Variants in WDR25 observed in about 807,000 individuals in gnomAD.
WDR25 encodes the protein WD repeat domain 25.
In WDR25, 35 loss-of-function variants were observed where a neutral mutation model predicts 47.7. The ratio of observed to expected loss-of-function variants is 0.73; its 90% CI spans 0.56 to 0.97. WDR25 has a LOEUF of 0.97. WDR25 is among the 50% of genes least tolerant of loss of function. The pLI is 0.00. For synonymous variants in WDR25, 248 were observed against 278.9 expected (o/e 0.89, Z 1.10); for missense variants, 634 against 704.7 (o/e 0.90, Z 1.14).
chr14:100,405,202 C>T (rs1044787737), intron 2 of WDR25, among the ~76,000 whole-genome samples: 2 of 143,360 alleles, frequency 1.4e-5, no homozygotes, highest in Non-Finnish European at 3.0e-5. Flanking sequence ...GCTCTTGTTA[C>T]CCAGGCTGGA....
intron 2 of WDR25, among the ~76,000 whole-genome samples, chr14:100,391,790 C>T (rs1897151457): frequency 6.6e-6 from 1 of 152,158 alleles, no homozygotes; most frequent in Admixed American, 6.5e-5. Flanking sequence ...CTCCAAATCC[C>T]TGGGGGGCCT....
chr14:100,490,017 T>G (rs1226637942), intron 4 of WDR25, among the ~76,000 whole-genome samples: 1 of 152,242 alleles, frequency 6.6e-6, no homozygotes, highest in Non-Finnish European at 1.5e-5. Context: ...AAGGGACATT[T>G]TGACTTCCAG....
rs112897556 is a variant in WDR25, at chr14:100,530,059, C to A, written c.*18C>A. 9 of 1,597,464 alleles carry A rather than the reference C, an allele frequency of 5.6e-6. No homozygotes were observed. The highest frequency in any genetic ancestry group is 7.7e-6 in the Non-Finnish European group (9 of 1,169,710). ...GGCACTGAGCTTTTTGTCACTGAACCTTCCCGATGCCAGCTGGGCTCTTGG... is the reference window on the plus strand; with the variant it reads ...GGCACTGAGCTTTTTGTCACTGAACATTCCCGATGCCAGCTGGGCTCTTGG... On this transcript the variant is annotated 3_prime_UTR_variant, in exon 7 of 7. Transcript: ENST00000402312.
chr14:100,431,229 C>T (rs1442883193), intron 2 of WDR25, among the ~76,000 whole-genome samples: 1 of 152,100 alleles, frequency 6.6e-6, no homozygotes, highest in Non-Finnish European at 1.5e-5. Context: ...TTTGATAAGA[C>T]TAGTGGTTTT....
rs558540055 is a variant in WDR25 at position 100,498,507 on chromosome 14, G to A, written c.1101+14383G>A. ...CACTCATTTGCTCATTGAACACTGCGGAGCACCTGCTGTTTATAGGGTGTC... is the reference window on the plus strand; with the variant it reads ...CACTCATTTGCTCATTGAACACTGCAGAGCACCTGCTGTTTATAGGGTGTC... On this transcript the variant is annotated intron_variant, in intron 4 of 6. Transcript: ENST00000402312. The surrounding 1 kb of genome is among the most constrained non-coding windows in gnomAD (Gnocchi z 4.2). 9.2e-5 allele frequency among the ~76,000 whole-genome samples: 14 copies of A among 152,176 alleles called. No homozygotes were observed. Among genetic ancestry groups the A allele is most frequent in the Non-Finnish European group, 7.4e-5 (5 of 68,008 alleles).
At chr14:100,376,927 G>T (rs1280522267) in intron 1 of WDR25, 1 of 288,814 alleles carries the variant, frequency 3.5e-6, no homozygotes, top group Non-Finnish European at 5.6e-6. Context: ...GCATTGAATA[G>T]TGAACAAAAC....
At chr14:100,459,770 A>G (rs1276790327) in intron 2 of WDR25, among the ~76,000 whole-genome samples, 1 of 151,120 alleles carries the variant, frequency 6.6e-6, no homozygotes, top group African/African-American at 2.4e-5. Flanking sequence ...TTGATTTCAG[A>G]CTTCTAGCTT....
intron 4 of WDR25, among the ~76,000 whole-genome samples, chr14:100,495,763 T>C (rs1900710368): frequency 6.6e-6 from 1 of 152,248 alleles, no homozygotes; most frequent in Admixed American, 6.5e-5. Flanking sequence ...AGTTTTGATT[T>C]ATAAGCTCCT....
intron 4 of WDR25, among the ~76,000 whole-genome samples, chr14:100,485,801 C>T (rs1235161826): frequency 6.6e-6 from 1 of 152,148 alleles, no homozygotes; most frequent in East Asian, 1.9e-4. Context: ...AAGACCCTTT[C>T]CTGACAGGCA....
At chr14:100,397,825 A>C (rs1213115404) in intron 2 of WDR25, among the ~76,000 whole-genome samples, 1 of 152,240 alleles carries the variant, frequency 6.6e-6, no homozygotes, top group Non-Finnish European at 1.5e-5. Flanking sequence ...CATGAGGAGC[A>C]AGACAGGCTG....
chr14:100,499,710 G>A lies in WDR25; in HGVS notation c.1101+15586G>A, dbSNP rs1900851194. Among the ~76,000 whole-genome samples, 1 of 152,132 alleles carries A rather than the reference G, an allele frequency of 6.6e-6. No homozygotes were observed. Among genetic ancestry groups the A allele is most frequent in the South Asian group, 2.1e-4 (1 of 4,824 alleles). ...TGAGACAGGAAGGAAGTGGGGCTGG[G>A]AGATAGAGCAGACGGGCCACAAGAG... On this transcript the variant is annotated intron_variant, in intron 4 of 6. Coordinates refer to ENST00000402312, the MANE Select transcript of WDR25 (RefSeq NM_001161476.3). The surrounding 1 kb of genome is among the most constrained non-coding windows in gnomAD (Gnocchi z 4.4).
chr14:100,470,661 GTCC>G (rs1899799542), intron 3 of WDR25, among the ~76,000 whole-genome samples: 1 of 152,224 alleles, frequency 6.6e-6, no homozygotes, highest in African/African-American at 2.4e-5. Flanking sequence ...GCTTTGAGTA[GTCC>G]TCCTTGGTAG....
chr14:100,521,179 G>GACAC (rs559590297), intron 4 of WDR25, among the ~76,000 whole-genome samples: 77 of 148,184 alleles, frequency 5.2e-4, no homozygotes, highest in East Asian at 7.9e-4. Context: ...CACACACATA[G>GACAC]ACACACACAC....
intron 3 of WDR25, among the ~76,000 whole-genome samples, chr14:100,475,780 TTC>T (rs992929944): frequency 6.6e-6 from 1 of 152,172 alleles, no homozygotes; most frequent in Admixed American, 6.5e-5. Flanking sequence ...ACTTTTAACA[TTC>T]TGTCCACAAA....
chr14:100,394,294 A>G (rs940611614), intron 2 of WDR25, among the ~76,000 whole-genome samples: 8 of 152,112 alleles, frequency 5.3e-5, no homozygotes, highest in South Asian at 4.1e-4. Context: ...GCAGTGTGAC[A>G]TGGCTGGCAG....
intron 4 of WDR25, among the ~76,000 whole-genome samples, chr14:100,491,685 A>G (rs976093047): frequency 1.3e-5 from 2 of 152,236 alleles, no homozygotes; most frequent in Non-Finnish European, 2.9e-5. Flanking sequence ...CTAAATATTT[A>G]TCAGTGAGGG....
At position 100,461,493 on chromosome 14, in the gene WDR25, A is replaced by G. The variant is rs139935242; in HGVS notation, c.823-6528A>G. On this transcript the variant is annotated intron_variant, in intron 2 of 6. Transcript: ENST00000402312. ...TCCTTAGGGAAATTAAAGAAGACCT[A>G]AATAAATGGAGAGAGACATCCTGTT... is the stretch of plus-strand genomic sequence containing the variant. Among the ~76,000 whole-genome samples the G allele has an allele frequency of 3.2e-4, 49 of 152,360 alleles. 1 individual carries two copies. The East Asian group carries it at 7.7e-3, about 24-fold the overall frequency.
intron 2 of WDR25, among the ~76,000 whole-genome samples, chr14:100,411,119 G>A (rs1252769575): frequency 6.6e-6 from 1 of 152,042 alleles, no homozygotes; most frequent in Non-Finnish European, 1.5e-5. Flanking sequence ...GAACATAATT[G>A]GTTTCAAATA....
Position 100,380,959 on chromosome 14 carries a change from T to C in WDR25, c.35T>C (p.Leu12Ser). The part of the protein sequence containing the change: ...TARTLSLMAS[L>S]VAYDDSDSEA... ...AGAACTCTGTCTTTAATGGCTTCATTGGTAGCGTATGATGATTCGGACTCG... is the reference window on the plus strand; with the variant it reads ...AGAACTCTGTCTTTAATGGCTTCATCGGTAGCGTATGATGATTCGGACTCG... Residue 12 changes from leucine to serine, a missense_variant, in exon 2 of 7, where the codon TTG becomes TCG. Coordinates refer to ENST00000402312, the MANE Select transcript of WDR25 (RefSeq NM_001161476.3). 1 of 1,614,138 alleles carries C rather than the reference T, an allele frequency of 6.2e-7. No homozygotes were observed. Among genetic ancestry groups the C allele is most frequent in the Non-Finnish European group, 8.5e-7 (1 of 1,179,968 alleles).
Sources: allele counts gnomAD v4.1 joint callset (sites outside exome capture counted in the v4.1 genomes callset), GRCh38; gene constraint gnomAD v4.1.1; non-coding constraint Gnocchi (gnomAD v3.1); transcripts MANE v1.5; gene names NCBI Gene and HGNC (gene_info 2026-07-23, HGNC 2026-07-21).